The following DOCK2 variants were observed in gnomAD, a reference collection of about 807,000 sequenced individuals.
DOCK2 encodes dedicator of cytokinesis 2.
Under a neutral mutation model 248.9 loss-of-function variants are expected in DOCK2, and 87 were observed. The observed-to-expected ratio is 0.35, with a 90% CI of 0.29 to 0.42. The LOEUF is 0.42. DOCK2 is among the 10% of genes least tolerant of loss of function. The pLI is 1.00. For missense variants in DOCK2, 1,747 were observed against 2,300.2 expected (o/e 0.76, Z 4.92); for synonymous variants, 805 against 821.6 (o/e 0.98, Z 0.35).
At position 169,764,756 on chromosome 5, in the gene DOCK2, T is replaced by C. The variant is rs1764670002; in HGVS notation, c.2554+3131T>C. Reference sequence around the variant, plus strand: ...TAGTTGCACACAACCCTCAACTACATGGTTTTCCTCAGGGTCCGAGAGACA... The same window carrying C: ...TAGTTGCACACAACCCTCAACTACACGGTTTTCCTCAGGGTCCGAGAGACA... On this transcript the variant is annotated intron_variant, in intron 25 of 51. Coordinates refer to ENST00000520908, the MANE Select transcript of DOCK2 (RefSeq NM_004946.3). The surrounding 1 kb of genome is among the most constrained non-coding windows in gnomAD (Gnocchi z 4.3). Among the ~76,000 whole-genome samples the C allele has an allele frequency of 6.6e-6, 1 of 152,184 alleles. No homozygotes were observed. The highest frequency in any genetic ancestry group is 6.5e-5 in the Admixed American group (1 of 15,274).
chr5:169,967,249 G>A (rs1238053568), intron 27 of DOCK2, among the ~76,000 whole-genome samples: 1 of 152,240 alleles, frequency 6.6e-6, no homozygotes, highest in African/African-American at 2.4e-5. Context: ...TAGTGGTGGA[G>A]AGAATCCCAG....
At chr5:169,922,985 C>T (rs917980672) in intron 27 of DOCK2, among the ~76,000 whole-genome samples, 4 of 152,176 alleles carry the variant, frequency 2.6e-5, no homozygotes. Context: ...GTGAATTTCT[C>T]TTATCGGTCC....
At chr5:169,837,201 G>A (rs572495238) in intron 26 of DOCK2, among the ~76,000 whole-genome samples, 7 of 152,130 alleles carry the variant, frequency 4.6e-5, no homozygotes, top group Admixed American at 6.6e-5. Flanking sequence ...GTGTGTTTAG[G>A]TTGGATGGAT....
intron 25 of DOCK2, among the ~76,000 whole-genome samples, chr5:169,801,146 GTTTTTTTTTTTTTTTTTTT>G (rs60574755): frequency 3.9e-5 from 3 of 76,052 alleles, no homozygotes; most frequent in East Asian, 4.9e-4. Flanking sequence ...ATAGTTTTGG[GTTTTTTTTTTTTTTTTTTT>G]TTTTTTTTTT....
At chr5:170,020,259 A>G (rs758781441) in intron 33 of DOCK2, among the ~76,000 whole-genome samples, 1 of 152,048 alleles carries the variant, frequency 6.6e-6, no homozygotes, top group Non-Finnish European at 1.5e-5. Context: ...ACTTCTCTGC[A>G]CAGTCACAAC....
chr5:169,831,189 A>G (rs1205914490), intron 26 of DOCK2, among the ~76,000 whole-genome samples: 1 of 144,676 alleles, frequency 6.9e-6, no homozygotes, highest in Admixed American at 7.1e-5. Flanking sequence ...TTTTTTCCAG[A>G]CTTTCTGGAC....
At chr5:169,779,159 A>T (rs1765550857) in intron 25 of DOCK2, 1 of 152,220 alleles carries the variant, frequency 6.6e-6, no homozygotes, top group Admixed American at 6.5e-5. Context: ...ATTGACCTGA[A>T]TTACCACCAC....
intron 34 of DOCK2, among the ~76,000 whole-genome samples, 173 bp downstream of exon 34, chr5:170,028,121 G>T (rs1348786277): frequency 6.6e-6 from 1 of 152,228 alleles, no homozygotes; most frequent in Non-Finnish European, 1.5e-5. Flanking sequence ...TCTCTCTGGA[G>T]TGGCCATTTC....
At chr5:169,731,788 A>G (rs149626281) in intron 22 of DOCK2, among the ~76,000 whole-genome samples, 168 of 152,244 alleles carry the variant, frequency 1.1e-3, no homozygotes, top group Middle Eastern at 6.8e-3. Flanking sequence ...GCAAACTTGC[A>G]TGTCTTGAGT....
chr5:170,015,831 TTCCC>T (rs1755513585), intron 32 of DOCK2, among the ~76,000 whole-genome samples: 2 of 147,764 alleles, frequency 1.4e-5, no homozygotes, highest in East Asian at 2.1e-4. Flanking sequence ...CTTTTCTTCT[TTCCC>T]TCCCTCCCTC....
rs571280480 is a variant in DOCK2, at chr5:169,955,337, A to G, written c.2800-27731A>G. ...CCATAGGAAGGTTCTGGGCCCAAAC[A>G]CTTACTGAGCACCTACTGTGTAGCT... On this transcript the variant is annotated intron_variant, in intron 27 of 51. Coordinates refer to ENST00000520908, the MANE Select transcript of DOCK2 (RefSeq NM_004946.3). 3.3e-4 allele frequency among the ~76,000 whole-genome samples: 51 copies of G among 152,242 alleles called. 1 individual carries two copies. In the South Asian group the frequency reaches 8.3e-3, roughly 25 times the overall value.
intron 44 of DOCK2, among the ~76,000 whole-genome samples, chr5:170,061,420 T>A (rs1044555615): frequency 2.0e-5 from 3 of 152,232 alleles, no homozygotes; most frequent in Admixed American, 2.0e-4. Context: ...GCTGGGGGAA[T>A]GAAATGAGCA....
Position 170,018,949 on chromosome 5 carries a change from T to C in DOCK2, c.3233-11T>C, listed in dbSNP as rs1348316230. ...ACTGTTTTATGTGTTCATGTTCCTC[T>C]TCTCTTTCAGGTCAGAACAAAATCT... On this transcript the variant is annotated splice_polypyrimidine_tract_variant and intron_variant, in intron 32 of 51. Transcript: ENST00000520908. 6.2e-7 allele frequency: 1 copy of C among 1,613,560 alleles called. No homozygotes were observed. Among genetic ancestry groups the C allele is most frequent in the Admixed American group, 1.7e-5 (1 of 59,986 alleles).
At chr5:169,727,611 C>T (rs773907418) in intron 22 of DOCK2, among the ~76,000 whole-genome samples, 2 of 152,156 alleles carry the variant, frequency 1.3e-5, no homozygotes, top group African/African-American at 4.8e-5. Context: ...TTAGAGAGCA[C>T]ACAGTGAGTG....
intron 2 of DOCK2, among the ~76,000 whole-genome samples, chr5:169,664,901 G>C (rs1394926759): frequency 6.6e-5 from 10 of 151,768 alleles, no homozygotes; most frequent in Admixed American, 6.6e-4. Context: ...ACACAAGAAA[G>C]AAAAAGCACT....
At chr5:170,046,624 A>T (rs963003277) in intron 39 of DOCK2, among the ~76,000 whole-genome samples, 1 of 152,222 alleles carries the variant, frequency 6.6e-6, no homozygotes, top group East Asian at 1.9e-4. Context: ...TGTTAAAAAC[A>T]GCTGAGCTGT....
chr5:169,890,192 G>C (rs535539953), intron 27 of DOCK2, among the ~76,000 whole-genome samples: 1 of 152,318 alleles, frequency 6.6e-6, no homozygotes, highest in Admixed American at 6.5e-5. Flanking sequence ...TAGCTGGCCA[G>C]ACATCTAATT....
chr5:169,743,567 CAAAAT>C (rs1763445136), intron 22 of DOCK2, among the ~76,000 whole-genome samples: 1 of 152,084 alleles, frequency 6.6e-6, no homozygotes, highest in African/African-American at 2.4e-5. Context: ...TTTTTCACCT[CAAAAT>C]AACCATTTGA....
At chr5:169,697,184 C>T (rs550102186) in intron 10 of DOCK2, among the ~76,000 whole-genome samples, 58 of 152,246 alleles carry the variant, frequency 3.8e-4, no homozygotes, top group African/African-American at 1.2e-3. Flanking sequence ...ATGAATAGAT[C>T]GCTTCAGGCA....
Sources: allele counts gnomAD v4.1 joint callset (sites outside exome capture counted in the v4.1 genomes callset), GRCh38; gene constraint gnomAD v4.1.1; non-coding constraint Gnocchi (gnomAD v3.1); transcripts MANE v1.5; gene names NCBI Gene and HGNC (gene_info 2026-07-23, HGNC 2026-07-21).